MED13L: variants seen among roughly 807,000 people sequenced by gnomAD.
MED13L encodes the protein mediator complex subunit 13L, also known as mediator of RNA polymerase II transcription subunit 13-like.
In MED13L, 7 loss-of-function variants were observed where a neutral mutation model predicts 220.9. That is an observed-to-expected ratio of 0.03 (90% CI 0.02 to 0.06). MED13L has a LOEUF of 0.06. MED13L is among the 10% of genes least tolerant of loss of function. The probability of loss-of-function intolerance (pLI) is 1.00; values close to 1 mark genes in which losing one functional copy is unlikely to be tolerated. For missense variants in MED13L, 1,965 were observed against 2,760.5 expected (o/e 0.71, Z 6.46); for synonymous variants, 1,011 against 1,015.2 (o/e 1.00, Z 0.08).
chr12:116,276,959 G>A (rs1454395027), intron 1 of MED13L, 101 bp downstream of exon 1: 9 of 1,297,540 alleles, frequency 6.9e-6, no homozygotes, highest in East Asian at 2.6e-5. Context: ...CGAGGGAGGG[G>A]CGAAGTCCCG....
At chr12:116,057,176 G>A (rs1004046634) in intron 4 of MED13L, among the ~76,000 whole-genome samples, 2 of 152,174 alleles carry the variant, frequency 1.3e-5, no homozygotes, top group African/African-American at 4.8e-5. Flanking sequence ...AATAATTGTA[G>A]TAGAGTATTC....
chr12:115,981,052 G>A (rs983290318), intron 22 of MED13L, 114 bp from the exon 23 acceptor site: 23 of 809,874 alleles, frequency 2.8e-5, no homozygotes, highest in South Asian at 2.0e-4. Flanking sequence ...CCACAATGGG[G>A]AGAGGTAACC....
At chr12:116,270,286 C>G (rs146973684) in intron 1 of MED13L, among the ~76,000 whole-genome samples, 3 of 151,872 alleles carry the variant, frequency 2.0e-5, no homozygotes, top group African/African-American at 4.8e-5. Flanking sequence ...GGACTACAGA[C>G]GCGCACCACC....
intron 4 of MED13L, among the ~76,000 whole-genome samples, chr12:116,072,441 T>C (rs1870450144): frequency 6.7e-6 from 1 of 150,030 alleles, no homozygotes; most frequent in Non-Finnish European, 1.5e-5. Context: ...CATGCCTGTT[T>C]ACAATACAGT....
chr12:116,012,230 G>A (rs1879455123), intron 9 of MED13L, among the ~76,000 whole-genome samples: 2 of 151,980 alleles, frequency 1.3e-5, no homozygotes, highest in Admixed American at 1.3e-4. Flanking sequence ...AACAAAGAGT[G>A]GTAAGTCAAT....
At chr12:116,157,237 C>A (rs891985714) in intron 2 of MED13L, among the ~76,000 whole-genome samples, 2 of 152,150 alleles carry the variant, frequency 1.3e-5, no homozygotes, top group Non-Finnish European at 1.5e-5. Context: ...TAGTATACTA[C>A]ACTAAGATTT....
At chr12:115,963,803 A>G (rs1178641694) in intron 29 of MED13L, among the ~76,000 whole-genome samples, 2 of 152,196 alleles carry the variant, frequency 1.3e-5, no homozygotes, top group East Asian at 3.8e-4. Context: ...CAAAAATACT[A>G]TAATATATAA....
chr12:115,984,018 A>G (rs536114367), intron 20 of MED13L, among the ~76,000 whole-genome samples, 162 bp downstream of exon 20: 1 of 152,362 alleles, frequency 6.6e-6, no homozygotes, highest in East Asian at 1.9e-4. Context: ...ATGTCCATAT[A>G]GAAATTAGCA....
chr12:116,169,425 T>C (rs1191338767), intron 2 of MED13L, among the ~76,000 whole-genome samples: 1 of 152,128 alleles, frequency 6.6e-6, no homozygotes, highest in Admixed American at 6.5e-5. Context: ...TAATATAACA[T>C]ACATAAATTT....
intron 1 of MED13L, among the ~76,000 whole-genome samples, chr12:116,260,129 C>T (rs1872397443): frequency 6.6e-6 from 1 of 152,154 alleles, no homozygotes; most frequent in Admixed American, 6.5e-5. Context: ...TTCATTAGTA[C>T]TACCTCACTT....
At chr12:116,072,157 A>G (rs910538200) in intron 4 of MED13L, among the ~76,000 whole-genome samples, 2 of 152,228 alleles carry the variant, frequency 1.3e-5, no homozygotes, top group Admixed American at 6.5e-5. Flanking sequence ...ACACAAGTAG[A>G]CACAGGTCTG....
At chr12:116,166,459 G>A (rs551358048) in intron 2 of MED13L, among the ~76,000 whole-genome samples, 16 of 151,916 alleles carry the variant, frequency 1.1e-4, no homozygotes, top group South Asian at 2.1e-4. Context: ...GCGCTGGCCC[G>A]TGTAGTCCCA....
At chr12:116,058,008 G>C (rs147097395) in intron 4 of MED13L, among the ~76,000 whole-genome samples, 2 of 152,190 alleles carry the variant, frequency 1.3e-5, no homozygotes, top group Non-Finnish European at 2.9e-5. Context: ...TTTAGTCAAG[G>C]ATTAAATCAC....
chr12:116,254,025 TG>T (rs1871820058), intron 1 of MED13L, among the ~76,000 whole-genome samples: 2 of 152,028 alleles, frequency 1.3e-5, no homozygotes, highest in African/African-American at 4.8e-5. Context: ...CCTCCCAAAT[TG>T]CTGGGATTAC....
intron 3 of MED13L, chr12:116,110,356 A>T (rs2137894163): frequency 7.1e-6 from 1 of 140,150 alleles, no homozygotes; most frequent in South Asian, 2.2e-4. Flanking sequence ...ACATAGCAAG[A>T]TTAAATAAAT....
intron 4 of MED13L, among the ~76,000 whole-genome samples, chr12:116,024,043 G>A (rs1880226518): frequency 6.6e-6 from 1 of 152,098 alleles, no homozygotes; most frequent in Non-Finnish European, 1.5e-5. Flanking sequence ...TTCAGCTAAG[G>A]GAGTTTGAGC....
Position 116,066,103 on chromosome 12 carries a change from T to A in MED13L, c.479+30566A>T, listed in dbSNP as rs75967847. ...CAGTCTGTCTTTGACTCTCTCTCTC[T>A]CACACACATACATACACACACACAC... On this transcript the variant is annotated intron_variant, in intron 4 of 30. Coordinates refer to ENST00000281928, the MANE Select transcript of MED13L (RefSeq NM_015335.5). Among the ~76,000 whole-genome samples the A allele has an allele frequency of 2.2e-3, 341 of 152,222 alleles. 6 individuals carry two copies. In the East Asian group the frequency reaches 0.043, roughly 19 times the overall value.
At chr12:116,173,581 C>T (rs916445003) in intron 2 of MED13L, among the ~76,000 whole-genome samples, 1 of 152,114 alleles carries the variant, frequency 6.6e-6, no homozygotes, top group African/African-American at 2.4e-5. Context: ...AAACTTGTCT[C>T]CTTTCCTTGC....
intron 4 of MED13L, among the ~76,000 whole-genome samples, chr12:116,050,895 T>C (rs1276332356): frequency 2.0e-5 from 3 of 152,096 alleles, no homozygotes; most frequent in Non-Finnish European, 4.4e-5. Flanking sequence ...GCCGAGATCA[T>C]GCACGCCAGC....
Sources: allele counts gnomAD v4.1 joint callset (sites outside exome capture counted in the v4.1 genomes callset), GRCh38; gene constraint gnomAD v4.1.1; transcripts MANE v1.5; gene names NCBI Gene and HGNC (gene_info 2026-07-23, HGNC 2026-07-21).